IRF6: variants seen among roughly 807,000 people sequenced by gnomAD.
IRF6 encodes the protein Van der Woude syndrome.
In IRF6, 6 loss-of-function variants were observed where a neutral mutation model predicts 51.4. That is an observed-to-expected ratio of 0.12 (90% CI 0.06 to 0.23). The LOEUF (loss-of-function observed/expected upper bound fraction) is 0.23. IRF6 is among the 10% of genes least tolerant of loss of function. IRF6 has a pLI of 1.00. For synonymous variants in IRF6, 178 were observed against 215.7 expected (o/e 0.83, Z 1.53); for missense variants, 348 against 585.2 (o/e 0.59, Z 4.18).
intron 4 of IRF6, among the ~76,000 whole-genome samples, chr1:209,795,777 G>A (rs185228624): frequency 1.0e-3 from 158 of 152,216 alleles, no homozygotes; most frequent in African/African-American, 3.6e-3. Context: ...ACTATTATAT[G>A]TACCAAAACA....
chr1:209,791,371 C>T (rs1485703235), intron 6 of IRF6, among the ~76,000 whole-genome samples: 1 of 152,144 alleles, frequency 6.6e-6, no homozygotes, highest in Non-Finnish European at 1.5e-5. Context: ...CATAAAAGGA[C>T]ACAGTTCACA....
At chr1:209,800,834 C>T (rs2077936415) in intron 3 of IRF6, among the ~76,000 whole-genome samples, 1 of 152,176 alleles carries the variant, frequency 6.6e-6, no homozygotes, top group Admixed American at 6.5e-5. Context: ...TGCGTGCCTG[C>T]TAACACCTGA....
At chr1:209,792,179 C>T (rs1317929793) in intron 6 of IRF6, 90 bp downstream of exon 6, 4 of 1,413,834 alleles carry the variant, frequency 2.8e-6, no homozygotes, top group Non-Finnish European at 4.0e-6. Flanking sequence ...TTTTTCAATA[C>T]ATGGCAAAGA....
intron 5 of IRF6, chr1:209,793,048 G>GT (rs1321795653): frequency 2.9e-4 from 19 of 65,192 alleles, no homozygotes; most frequent in Non-Finnish European, 5.8e-4. Flanking sequence ...CAATTAAAAG[G>GT]TTTAAAAAAA....
chr1:209,788,790 T>C lies in IRF6; in HGVS notation c.1180-146A>G, dbSNP rs969248115. ...TAAATATAGGATATGCCTTCATCTC[T>C]CTGGACCATCCTTCTGCCAAGGCTC... On this transcript the variant is annotated intron_variant, in intron 8 of 8. Coordinates refer to ENST00000367021, the MANE Select transcript of IRF6 (RefSeq NM_006147.4). The C allele has an allele frequency of 1.0e-5, 7 of 696,242 alleles. No individual in the cohort carries two copies. In the Admixed American group the frequency reaches 1.5e-4, roughly 15 times the overall value. 43.1% of individuals were successfully genotyped at this position (696,242 alleles called of 1,614,324 possible).
chr1:209,805,217 A>G (rs1414527587), intron 1 of IRF6, among the ~76,000 whole-genome samples: 1 of 152,084 alleles, frequency 6.6e-6, no homozygotes, highest in Non-Finnish European at 1.5e-5. Context: ...ATCCACCAAG[A>G]GAACAGGTTG....
intron 8 of IRF6, among the ~76,000 whole-genome samples, 176 bp downstream of exon 8, chr1:209,789,491 A>C (rs947994499): frequency 3.9e-5 from 6 of 152,152 alleles, no homozygotes; most frequent in African/African-American, 1.2e-4. Context: ...ACCCATTTTA[A>C]GGACCCTGCC....
intron 5 of IRF6, 44 bp from the exon 6 acceptor site, chr1:209,792,471 G>A (rs1036957309): frequency 1.9e-6 from 3 of 1,602,222 alleles, no homozygotes; most frequent in Non-Finnish European, 2.6e-6. Flanking sequence ...TACCACACGT[G>A]CACATCACTT....
At chr1:209,788,672 T>A (rs892159211) in intron 8 of IRF6, 28 bp from the exon 9 acceptor site, 2 of 1,573,488 alleles carry the variant, frequency 1.3e-6, no homozygotes, top group Non-Finnish European at 1.7e-6. Flanking sequence ...CACAGGTGTA[T>A]CCTCTGAGGA....
At chr1:209,792,119 T>TC in intron 6 of IRF6, 150 bp downstream of exon 6, 1 of 838,082 alleles carries the variant, frequency 1.2e-6, no homozygotes. Flanking sequence ...CCCTGGTGAC[T>TC]CATGGGCTAG....
At chr1:209,788,942 C>T (rs1379652571) in intron 8 of IRF6, among the ~76,000 whole-genome samples, 1 of 152,236 alleles carries the variant, frequency 6.6e-6, no homozygotes, top group African/African-American at 2.4e-5. Flanking sequence ...CCTTGCTACA[C>T]AACTCCAGGG....
At chr1:209,801,659 A>G (rs2102548103) in intron 2 of IRF6, among the ~76,000 whole-genome samples, 1 of 152,362 alleles carries the variant, frequency 6.6e-6, no homozygotes, top group South Asian at 2.1e-4. Flanking sequence ...AGCTAAGTAG[A>G]TCACATTTCT....
chr1:209,788,159 G>A lies in IRF6; in HGVS notation c.*261C>T, dbSNP rs2077845505. 2.0e-6 allele frequency: 1 copy of A among 489,306 alleles called. No homozygotes were observed. The highest frequency in any genetic ancestry group is 3.7e-6 in the Non-Finnish European group (1 of 271,360). 30.3% of individuals were successfully genotyped at this position (489,306 alleles called of 1,614,324 possible). ...GAAGCAAAGCTGCAGCTAGAACTTT[G>A]GTGTCCAAACTCCCAGGCCAAATCT... On this transcript the variant is annotated 3_prime_UTR_variant, in exon 9 of 9. Coordinates refer to ENST00000367021, the MANE Select transcript of IRF6 (RefSeq NM_006147.4).
intron 1 of IRF6, among the ~76,000 whole-genome samples, chr1:209,802,691 G>T (rs770385799): frequency 8.5e-5 from 13 of 152,300 alleles, no homozygotes; most frequent in Non-Finnish European, 1.5e-4. Flanking sequence ...AGAAGGAGGG[G>T]AAGATAAATA....
chr1:209,795,612 C>T (rs987633376), intron 4 of IRF6, among the ~76,000 whole-genome samples, 194 bp from the exon 5 acceptor site: 2 of 152,206 alleles, frequency 1.3e-5, no homozygotes, highest in African/African-American at 4.8e-5. Context: ...TCCCTAGATT[C>T]ACTGGAGCAC....
At chr1:209,802,867 G>T (rs374926729) in intron 1 of IRF6, among the ~76,000 whole-genome samples, 1 of 152,220 alleles carries the variant, frequency 6.6e-6, no homozygotes, top group African/African-American at 2.4e-5. Flanking sequence ...AGCTGACGGG[G>T]TGGCCCATAA....
In IRF6 at chr1:209,790,469, G is replaced by C; in HGVS notation, c.1060+26C>G. 2 of 1,611,160 alleles carry C rather than the reference G, an allele frequency of 1.2e-6. No homozygotes were observed. Among genetic ancestry groups the C allele is most frequent in the Non-Finnish European group, 1.7e-6 (2 of 1,178,382 alleles). ...TGTACTTCCAGAGAGTGATTCCCAC[G>C]ATCAACTTTCTGAGAAATGACTTAC... On this transcript the variant is annotated intron_variant, in intron 7 of 8. Coordinates refer to ENST00000367021, the MANE Select transcript of IRF6 (RefSeq NM_006147.4). The surrounding 1 kb of genome is among the most constrained non-coding windows in gnomAD (Gnocchi z 4.8).
intron 1 of IRF6, among the ~76,000 whole-genome samples, chr1:209,805,002 G>A (rs2077965232): frequency 2.0e-5 from 3 of 152,234 alleles, no homozygotes; most frequent in Middle Eastern, 6.8e-3. Context: ...CAGGCCTCTA[G>A]TCAAAATGCC....
chr1:209,796,592 G>A lies in IRF6; in HGVS notation c.175-40C>T. ...CCACAGTGAGTCCTATCATTGCCCA[G>A]AGCCACTGCAAAGCATGTGCTTACC... On this transcript the variant is annotated intron_variant, in intron 3 of 8. Transcript: ENST00000367021. This position sits in a 1 kb window ranked among gnomAD's most constrained non-coding sequence, Gnocchi z 4.5. 6.6e-7 allele frequency: 1 copy of A among 1,520,340 alleles called. No homozygotes were observed. The highest frequency in any genetic ancestry group is 9.1e-7 in the Non-Finnish European group (1 of 1,097,720). The allele number at this position is 1,520,340 out of a possible 1,614,324, so 94.2% of individuals were successfully genotyped here. A position where few individuals can be genotyped will look rare whatever the true frequency, so the allele number is the denominator to read the frequency against.
Sources: gnomAD v4.1 joint callset for allele counts (sites outside exome capture counted in the v4.1 genomes callset) on GRCh38, gnomAD v4.1.1 for gene constraint, Gnocchi (gnomAD v3.1) non-coding constraint, MANE v1.5 for transcripts, NCBI Gene and HGNC (gene_info 2026-07-23, HGNC 2026-07-21) for gene names.